The following RBFOX3 variants were observed in gnomAD, a reference collection of about 807,000 sequenced individuals.
RBFOX3 encodes RNA binding protein fox-1 homolog 3.
Under a neutral mutation model 48.7 loss-of-function variants are expected in RBFOX3, and 17 were observed. The ratio of observed to expected loss-of-function variants is 0.35; its 90% CI spans 0.24 to 0.52. The LOEUF (loss-of-function observed/expected upper bound fraction) is 0.52. RBFOX3 is among the 20% of genes least tolerant of loss of function. The pLI is 0.94. For missense variants in RBFOX3, 382 were observed against 497.5 expected, an observed-to-expected ratio of 0.77 and a Z score of 2.21; for synonymous variants, 212 against 209.5, an observed-to-expected ratio of 1.01 and a Z score of -0.10.
At chr17:79,551,182 C>G (rs1453225901) in intron 1 of RBFOX3, among the ~76,000 whole-genome samples, 2 of 152,078 alleles carry the variant, frequency 1.3e-5, no homozygotes, top group Non-Finnish European at 2.9e-5. Context: ...TATGCAAGGC[C>G]AGTTAGAAGA....
intron 4 of RBFOX3, among the ~76,000 whole-genome samples, chr17:79,157,480 C>A (rs987045087): frequency 6.6e-6 from 1 of 152,230 alleles, no homozygotes; most frequent in Non-Finnish European, 1.5e-5. Flanking sequence ...CCTGGGTCAC[C>A]AAATCTAGCC....
At chr17:79,563,510 G>A (rs2092336330) in intron 1 of RBFOX3, among the ~76,000 whole-genome samples, 1 of 152,228 alleles carries the variant, frequency 6.6e-6, no homozygotes, top group Non-Finnish European at 1.5e-5. Flanking sequence ...ATTTAAAGGA[G>A]TGCCTGTTTC....
chr17:79,126,124 C>T (rs2037192921), intron 4 of RBFOX3, among the ~76,000 whole-genome samples: 1 of 152,242 alleles, frequency 6.6e-6, no homozygotes, highest in African/African-American at 2.4e-5. Context: ...CCCCTCCCCA[C>T]GATCTGGGAC....
intron 1 of RBFOX3, among the ~76,000 whole-genome samples, chr17:79,499,667 C>A (rs1286036660): frequency 1.3e-5 from 2 of 152,246 alleles, no homozygotes; most frequent in Admixed American, 6.5e-5. Flanking sequence ...CTTAACCTTT[C>A]TCAACTTCAG....
intron 1 of RBFOX3, among the ~76,000 whole-genome samples, chr17:79,555,653 T>C (rs950832678): frequency 4.6e-5 from 1 of 21,762 alleles, no homozygotes; most frequent in Admixed American, 5.6e-4. Context: ...ATGGTGGTGG[T>C]GGTGGTGGTG....
intron 1 of RBFOX3, among the ~76,000 whole-genome samples, chr17:79,609,373 C>T (rs1568452756): frequency 6.6e-6 from 1 of 152,262 alleles, no homozygotes; most frequent in Admixed American, 6.5e-5. Flanking sequence ...AAATTAGCAA[C>T]CTGCGCGCCC....
chr17:79,433,765 G>A (rs2068900458), intron 2 of RBFOX3, among the ~76,000 whole-genome samples: 1 of 151,546 alleles, frequency 6.6e-6, no homozygotes, highest in African/African-American at 2.4e-5. Flanking sequence ...CCATGGTTAT[G>A]TTCTATCAAG....
At chr17:79,519,847 C>T (rs1266286359) in intron 1 of RBFOX3, among the ~76,000 whole-genome samples, 4 of 152,152 alleles carry the variant, frequency 2.6e-5, no homozygotes, top group Admixed American at 6.5e-5. Flanking sequence ...TGTGCTGTCC[C>T]GCATGGCTGC....
At chr17:79,297,348 C>T (rs1563447) in intron 3 of RBFOX3, among the ~76,000 whole-genome samples, 44,480 of 152,066 alleles carry the variant, frequency 0.29, 6,683 homozygotes, top group East Asian at 0.52. Context: ...TGTGGAGAGC[C>T]GTGTGCCTTT....
At chr17:79,197,559 T>C (rs911238038) in intron 4 of RBFOX3, among the ~76,000 whole-genome samples, 1 of 151,600 alleles carries the variant, frequency 6.6e-6, no homozygotes. Context: ...CTGCCAATTT[T>C]TTTTTTTGTA....
At chr17:79,645,450 A>C in the RBFOX3 span, among the ~76,000 whole-genome samples, 24 of 152,238 alleles carry the variant, frequency 1.6e-4, no homozygotes, top group Non-Finnish European at 1.5e-5. Flanking sequence ...AGATATCCTC[A>C]TGCCTCTTCC....
chr17:79,194,893 G>A (rs1457140422), intron 4 of RBFOX3, among the ~76,000 whole-genome samples: 7 of 150,428 alleles, frequency 4.7e-5, no homozygotes, highest in East Asian at 1.9e-4. Flanking sequence ...TACATAAAGC[G>A]TATAATTGAG....
chr17:79,649,378 A>G, the RBFOX3 span, among the ~76,000 whole-genome samples: 1 of 152,230 alleles, frequency 6.6e-6, no homozygotes, highest in African/African-American at 2.4e-5. Flanking sequence ...ACAACTTTGA[A>G]TGCACCTACA....
chr17:79,431,948 A>T (rs1216506276), intron 2 of RBFOX3, among the ~76,000 whole-genome samples: 1 of 151,992 alleles, frequency 6.6e-6, no homozygotes, highest in African/African-American at 2.4e-5. Context: ...TTAAACACTA[A>T]CTCCCCAATC....
intron 3 of RBFOX3, among the ~76,000 whole-genome samples, chr17:79,295,489 C>T (rs887041444): frequency 9.2e-5 from 14 of 152,130 alleles, no homozygotes; most frequent in South Asian, 2.1e-4. Context: ...TTCCAGCAAG[C>T]GCCTTCCAGC....
At chr17:79,344,657 C>T (rs904626066) in intron 2 of RBFOX3, among the ~76,000 whole-genome samples, 9 of 152,086 alleles carry the variant, frequency 5.9e-5, no homozygotes, top group African/African-American at 1.4e-4. Context: ...CAAGTTCAAG[C>T]GATTCTTGTG....
chr17:79,637,892 C>T, the RBFOX3 span, among the ~76,000 whole-genome samples: 2,722 of 152,092 alleles, frequency 0.018, 149 homozygotes, highest in Admixed American at 0.11. Flanking sequence ...ATTCCAAGTA[C>T]CTTCTCTGAC....
chr17:79,480,724 C>T lies in RBFOX3; in HGVS notation c.-175+1730G>A, dbSNP rs1490262528. Among the ~76,000 whole-genome samples the T allele has an allele frequency of 6.6e-6, 1 of 152,222 alleles. No individual in the cohort carries two copies. The highest frequency in any genetic ancestry group is 2.4e-5 in the African/African-American group (1 of 41,458). On this transcript the variant is annotated intron_variant, in intron 2 of 14. Coordinates refer to ENST00000693108, the MANE Select transcript of RBFOX3 (RefSeq NM_001350451.2). This position sits in a 1 kb window ranked among gnomAD's most constrained non-coding sequence, Gnocchi z 4.8. Reference sequence around the variant, plus strand: ...TCAGACATCCTGGGGTCCTCCCTCCCTTCCTTCTGTCTTGGCTCACAACAT... The same window carrying T: ...TCAGACATCCTGGGGTCCTCCCTCCTTTCCTTCTGTCTTGGCTCACAACAT...
At chr17:79,202,508 A>G (rs1367640180) in intron 4 of RBFOX3, among the ~76,000 whole-genome samples, 2 of 152,172 alleles carry the variant, frequency 1.3e-5, no homozygotes, top group African/African-American at 4.8e-5. Context: ...AATTTCACCA[A>G]CACCATCTCA....
Sources: gnomAD v4.1 joint callset for allele counts (sites outside exome capture counted in the v4.1 genomes callset) on GRCh38, gnomAD v4.1.1 for gene constraint, Gnocchi (gnomAD v3.1) non-coding constraint, MANE v1.5 for transcripts, NCBI Gene and HGNC (gene_info 2026-07-23, HGNC 2026-07-21) for gene names.